The following MAGI2 variants were observed in gnomAD, a reference collection of about 807,000 sequenced individuals.
MAGI2 encodes membrane associated guanylate kinase, WW and PDZ domain containing 2.
Under a neutral mutation model 133.3 loss-of-function variants are expected in MAGI2, and 35 were observed. The ratio of observed to expected loss-of-function variants is 0.26; its 90% CI spans 0.20 to 0.35. The LOEUF (loss-of-function observed/expected upper bound fraction) is 0.35. Ranked by LOEUF, MAGI2 falls within the 10% of genes least tolerant of loss-of-function variation. The probability of loss-of-function intolerance (pLI) is 1.00; values close to 1 mark genes in which losing one functional copy is unlikely to be tolerated. For synonymous variants in MAGI2, 729 were observed against 710.6 expected, an observed-to-expected ratio of 1.03 and a Z score of -0.41; for missense variants, 1,636 against 1,863.4, an observed-to-expected ratio of 0.88 and a Z score of 2.25.
At chr7:79,380,955 C>T (rs1411687713) in intron 1 of MAGI2, among the ~76,000 whole-genome samples, 1 of 151,736 alleles carries the variant, frequency 6.6e-6, no homozygotes, top group Non-Finnish European at 1.5e-5. Context: ...TACTTGGTAA[C>T]AATGGGCTAC....
intron 2 of MAGI2, among the ~76,000 whole-genome samples, chr7:78,753,117 T>C (rs920784998): frequency 2.0e-5 from 3 of 152,056 alleles, no homozygotes; most frequent in African/African-American, 7.2e-5. Context: ...AAAATATCAC[T>C]CATACTCAAG....
intron 1 of MAGI2, among the ~76,000 whole-genome samples, chr7:79,302,477 T>G (rs1918932): frequency 0.94 from 143,080 of 152,182 alleles, 67,510 homozygotes; most frequent in Non-Finnish European, 0.98. Context: ...GGGGATAAAT[T>G]GATGGGTTTG....
chr7:78,150,149 C>A (rs1023191435), intron 16 of MAGI2, among the ~76,000 whole-genome samples: 1 of 152,076 alleles, frequency 6.6e-6, no homozygotes, highest in African/African-American at 2.4e-5. Flanking sequence ...GAAAGAGTTT[C>A]GGTAGAAGCA....
chr7:78,701,922 GT>G (rs1373961732), intron 2 of MAGI2, among the ~76,000 whole-genome samples: 1 of 151,894 alleles, frequency 6.6e-6, no homozygotes, highest in Non-Finnish European at 1.5e-5. Flanking sequence ...AGCAACAAAT[GT>G]CTTCAGGAGA....
At chr7:78,637,460 A>C (rs1809798854) in intron 2 of MAGI2, among the ~76,000 whole-genome samples, 2 of 151,870 alleles carry the variant, frequency 1.3e-5, no homozygotes, top group South Asian at 4.1e-4. Flanking sequence ...CTAATGCAGA[A>C]GATCTCTCAT....
At chr7:79,161,994 G>A (rs905761680) in intron 1 of MAGI2, among the ~76,000 whole-genome samples, 1 of 151,828 alleles carries the variant, frequency 6.6e-6, no homozygotes, top group Admixed American at 6.6e-5. Flanking sequence ...AATCAGGCAA[G>A]CATAATAAGC....
intron 9 of MAGI2, among the ~76,000 whole-genome samples, chr7:78,289,227 G>A (rs1361496004): frequency 6.6e-6 from 1 of 152,088 alleles, no homozygotes; most frequent in Non-Finnish European, 1.5e-5. Context: ...TAGACGAAAG[G>A]CTAACTAGAA....
chr7:79,344,033 T>G (rs1313554484), intron 1 of MAGI2, among the ~76,000 whole-genome samples: 1 of 152,200 alleles, frequency 6.6e-6, no homozygotes, highest in Non-Finnish European at 1.5e-5. Flanking sequence ...ACTTCCTAAT[T>G]TTATAGGTAA....
chr7:78,056,011 A>AT (rs1303995849), intron 21 of MAGI2, among the ~76,000 whole-genome samples: 1 of 152,068 alleles, frequency 6.6e-6, no homozygotes, highest in African/African-American at 2.4e-5. Flanking sequence ...CAGTAGTGTT[A>AT]TGTGTAACAG....
At chr7:78,471,372 G>A (rs28739312) in intron 6 of MAGI2, among the ~76,000 whole-genome samples, 5,174 of 152,096 alleles carry the variant, frequency 0.034, 280 homozygotes, top group African/African-American at 0.12. Flanking sequence ...AACAGTGATA[G>A]CACTGGGCTG....
At chr7:78,048,734 C>G (rs2151102275) in intron 21 of MAGI2, among the ~76,000 whole-genome samples, 1 of 152,286 alleles carries the variant, frequency 6.6e-6, no homozygotes, top group Non-Finnish European at 1.5e-5. Context: ...GAAACATAAG[C>G]AGTTCCATCA....
chr7:78,337,588 AT>A (rs1235546710), intron 9 of MAGI2, among the ~76,000 whole-genome samples: 1 of 152,246 alleles, frequency 6.6e-6, no homozygotes, highest in African/African-American at 2.4e-5. Context: ...GTTGATTTCA[AT>A]GTCAAATGAG....
intron 1 of MAGI2, among the ~76,000 whole-genome samples, chr7:79,247,698 G>T (rs528933459): frequency 6.6e-6 from 1 of 152,026 alleles, no homozygotes; most frequent in South Asian, 2.1e-4. Flanking sequence ...ACCACAAAAA[G>T]TTCAAAAATG....
intron 2 of MAGI2, among the ~76,000 whole-genome samples, chr7:78,852,751 T>C (rs1793252369): frequency 6.6e-6 from 1 of 152,084 alleles, no homozygotes; most frequent in African/African-American, 2.4e-5. Context: ...TAGCCCTAAT[T>C]TGGGGAACGA....
At chr7:79,408,741 A>G (rs1444154731) in intron 1 of MAGI2, among the ~76,000 whole-genome samples, 14 of 151,076 alleles carry the variant, frequency 9.3e-5, no homozygotes, top group Admixed American at 8.5e-4. Flanking sequence ...GGTTAAAAAA[A>G]GAGATGGGGG....
At chr7:78,682,321 C>A (rs1034387374) in intron 2 of MAGI2, among the ~76,000 whole-genome samples, 7 of 151,956 alleles carry the variant, frequency 4.6e-5, no homozygotes, top group Admixed American at 6.6e-5. Flanking sequence ...TTTGCTGCAC[C>A]AATCGACCCG....
At chr7:78,341,089 GATA>G (rs1477381164) in intron 9 of MAGI2, among the ~76,000 whole-genome samples, 5 of 152,086 alleles carry the variant, frequency 3.3e-5, no homozygotes, top group Non-Finnish European at 7.4e-5. Flanking sequence ...TCCTTATGCT[GATA>G]ATAAGCAACT....
intron 1 of MAGI2, among the ~76,000 whole-genome samples, chr7:79,106,185 G>T (rs1818435015): frequency 6.6e-6 from 1 of 152,140 alleles, no homozygotes; most frequent in African/African-American, 2.4e-5. Flanking sequence ...TATGCCAAGT[G>T]AAAGAAGCCA....
At chr7:78,728,592 G>T in intron 2 of MAGI2, among the ~76,000 whole-genome samples, 1 of 66,780 alleles carries the variant, frequency 1.5e-5, no homozygotes, top group Non-Finnish European at 2.4e-5. Context: ...TTGAGACGGA[G>T]TCTCGCTCTG....
Sources: gnomAD v4.1 joint callset for allele counts (sites outside exome capture counted in the v4.1 genomes callset) on GRCh38, gnomAD v4.1.1 for gene constraint, MANE v1.5 for transcripts, NCBI Gene and HGNC (gene_info 2026-07-23, HGNC 2026-07-21) for gene names.